PCDHGB4: variants seen among roughly 807,000 people sequenced by gnomAD.
PCDHGB4 encodes the protein protocadherin gamma subfamily B, 4, also known as protocadherin gamma-B4.
Under a neutral mutation model 60.5 loss-of-function variants are expected in PCDHGB4, and 38 were observed. That is an observed-to-expected ratio of 0.63 (90% CI 0.48 to 0.82). The LOEUF (loss-of-function observed/expected upper bound fraction) is 0.82. PCDHGB4 is among the 40% of genes least tolerant of loss of function. The pLI is 0.00. For missense variants in PCDHGB4, 1,109 were observed against 1,209.6 expected, an observed-to-expected ratio of 0.92 and a Z score of 1.23; for synonymous variants, 456 against 509.7, an observed-to-expected ratio of 0.89 and a Z score of 1.42.
Position 141,443,253 on chromosome 5 carries a change from G to A in PCDHGB4, c.2398-51554G>A, listed in dbSNP as rs192939862. 1.8e-4 allele frequency among the ~76,000 whole-genome samples: 28 copies of A among 152,214 alleles called. No individual in the cohort carries two copies. The Middle Eastern group carries it at 0.014, about 74-fold the overall frequency. On this transcript the variant is annotated intron_variant, in intron 1 of 3. Transcript: ENST00000519479. Reference sequence around the variant, plus strand: ...CTTAGCACTTTGGGGCGCCAAGGCGGGTGGATCACTTGAGCCCAGGAGTTT... The same window carrying A: ...CTTAGCACTTTGGGGCGCCAAGGCGAGTGGATCACTTGAGCCCAGGAGTTT...
intron 1 of PCDHGB4, among the ~76,000 whole-genome samples, chr5:141,458,500 T>G (rs2098947037): frequency 6.6e-6 from 1 of 151,442 alleles, no homozygotes; most frequent in Admixed American, 6.6e-5. Context: ...CTGTACATAC[T>G]GTTTGACACT....
rs1176419914 is a variant in PCDHGB4 at position 141,389,727 on chromosome 5, T to C, written c.1843T>C (p.Phe615Leu). The change falls in exon 1 of 4, where the codon TTC becomes CTC. Residue 615 changes from phenylalanine (F) to leucine (L), a missense_variant. Coordinates refer to ENST00000519479, the MANE Select transcript of PCDHGB4 (RefSeq NM_003736.4). ...GCTGCAGGCTAGCGAGCCCGGGCTC[T>C]TCAGCCTGGGGCTGCGCACGGGCGA... is the stretch of plus-strand genomic sequence containing the variant. ...HVLQASEPGL[F>L]SLGLRTGEVR... 4.3e-6 allele frequency: 7 copies of C among 1,612,724 alleles called. No homozygotes were observed. Among genetic ancestry groups the C allele is most frequent in the Non-Finnish European group, 5.9e-6 (7 of 1,179,752 alleles).
In PCDHGB4 at chr5:141,485,865, C is replaced by T. The variant is rs1214425261; in HGVS notation, c.2398-8942C>T. The stretch of plus-strand genomic sequence containing the variant: ...TCTGGCACCGCAGAGCTCCGGGTAT[C>T]CGTGCTGGACGTAAACGACAACGCC... On this transcript the variant is annotated intron_variant, in intron 1 of 3. Transcript: ENST00000519479. The surrounding 1 kb of genome is among the most constrained non-coding windows in gnomAD (Gnocchi z 5.7). 23 of 1,614,182 alleles carry T rather than the reference C, an allele frequency of 1.4e-5. No homozygotes were observed. Among genetic ancestry groups the T allele is most frequent in the Non-Finnish European group, 1.8e-5 (21 of 1,180,034 alleles).
At position 141,389,851 on chromosome 5, in the gene PCDHGB4, C is replaced by T. The variant is rs375044667; in HGVS notation, c.1967C>T (p.Ala656Val). 1 of 1,614,054 alleles carries T rather than the reference C, an allele frequency of 6.2e-7. No homozygotes were observed. Among genetic ancestry groups the T allele is most frequent in the Non-Finnish European group, 8.5e-7 (1 of 1,179,898 alleles). The change falls in exon 1 of 4, where the codon GCC becomes GTC. Residue 656 changes from alanine (A) to valine (V), a missense_variant. Physicochemically the swap from Ala to Val is moderately conservative, Grantham distance 64 (BLOSUM62 0). Transcript: ENST00000519479. ...DGGQPPLSAT[A>V]TLHLVFADSL... Reference sequence around the variant, plus strand: ...GGACAGCCACCACTCTCGGCCACTGCCACGTTGCACCTGGTCTTCGCCGAC... The same window carrying T: ...GGACAGCCACCACTCTCGGCCACTGTCACGTTGCACCTGGTCTTCGCCGAC...
intron 1 of PCDHGB4, chr5:141,398,504 T>C: frequency 6.2e-7 from 1 of 1,611,098 alleles, no homozygotes; most frequent in Admixed American, 1.7e-5. Flanking sequence ...ATCGAGGACA[T>C]TAATGACCAC....
intron 1 of PCDHGB4, among the ~76,000 whole-genome samples, chr5:141,466,506 G>A (rs1417729031): frequency 6.6e-6 from 1 of 152,156 alleles, no homozygotes; most frequent in Non-Finnish European, 1.5e-5. Context: ...GCACAGACAA[G>A]ATCATTTTTT....
Position 141,431,473 on chromosome 5 carries a change from C to G in PCDHGB4, c.2397+41192C>G, listed in dbSNP as rs750300971. ...TGATGGTTCTGGATGCGAACGACAA[C>G]GCACCAGCGTTTGCTCAGCCCGAGT... On this transcript the variant is annotated intron_variant, in intron 1 of 3. Coordinates refer to ENST00000519479, the MANE Select transcript of PCDHGB4 (RefSeq NM_003736.4). This position sits in a 1 kb window ranked among gnomAD's most constrained non-coding sequence, Gnocchi z 4.8. 5.0e-6 allele frequency: 8 copies of G among 1,613,832 alleles called. No homozygotes were observed. The highest frequency in any genetic ancestry group is 1.7e-5 in the Admixed American group (1 of 60,026).
chr5:141,485,786 C>A lies in PCDHGB4; in HGVS notation c.2398-9021C>A. On this transcript the variant is annotated intron_variant, in intron 1 of 3. Transcript: ENST00000519479. This position sits in a 1 kb window ranked among gnomAD's most constrained non-coding sequence, Gnocchi z 5.7. ...GGAGAAGCCTTTGGATCGAGAGAAG[C>A]AATCGGACTACCGCCTGGTGCTGAC... 1 of 1,614,208 alleles carries A rather than the reference C, an allele frequency of 6.2e-7. No individual in the cohort carries two copies. The highest frequency in any genetic ancestry group is 1.3e-5 in the African/African-American group (1 of 75,062).
chr5:141,403,201 C>T (rs1486888915), intron 1 of PCDHGB4: 2 of 1,614,002 alleles, frequency 1.2e-6, no homozygotes, highest in South Asian at 1.1e-5. Context: ...GCAGCGGCAC[C>T]TTGGTCACCG....
rs373591066 is a variant in PCDHGB4, at chr5:141,404,487, G to A, written c.2397+14206G>A. On this transcript the variant is annotated intron_variant, in intron 1 of 3. Transcript: ENST00000519479. The stretch of plus-strand genomic sequence containing the variant: ...TATGTCTCTATTAACTCAGACACTG[G>A]TGTGCTGTATGCTCTGTGCTCCTTT... 6.8e-6 allele frequency: 11 copies of A among 1,613,722 alleles called. No homozygotes were observed. Among genetic ancestry groups the A allele is most frequent in the Admixed American group, 1.7e-5 (1 of 60,008 alleles).
intron 1 of PCDHGB4, among the ~76,000 whole-genome samples, chr5:141,468,000 C>G (rs1429450909): frequency 6.6e-6 from 1 of 152,028 alleles, no homozygotes; most frequent in East Asian, 1.9e-4. Flanking sequence ...ATTCTTTCTT[C>G]CTCTGTTATA....
rs996153387 is a variant in PCDHGB4, at chr5:141,491,985, G to A, written c.2398-2822G>A. 24 of 743,298 alleles carry A rather than the reference G, an allele frequency of 3.2e-5. No homozygotes were observed. Among genetic ancestry groups the A allele is most frequent in the Non-Finnish European group, 4.5e-5 (22 of 494,254 alleles). 46.0% of individuals were successfully genotyped at this position (743,298 alleles called of 1,614,324 possible). On this transcript the variant is annotated intron_variant, in intron 1 of 3. Transcript: ENST00000519479. The surrounding 1 kb of genome is among the most constrained non-coding windows in gnomAD (Gnocchi z 6.9). ...AGGCCGGGGCCTCCTTCGAGCTTCC[G>A]GTGAATTTCGGGCGATTTCCGCGGG...
chr5:141,501,891 T>G (rs2099811650), intron 2 of PCDHGB4, among the ~76,000 whole-genome samples: 1 of 152,128 alleles, frequency 6.6e-6, no homozygotes, highest in Admixed American at 6.5e-5. Context: ...CTGATCATCA[T>G]GGTTCCAACC....
In PCDHGB4 at chr5:141,477,787, C is replaced by A; in HGVS notation, c.2398-17020C>A. The stretch of plus-strand genomic sequence containing the variant: ...CCAACATCAGCGTGAACATATTTGT[C>A]ACTGATCGCAATGACAATGCCCCCC... On this transcript the variant is annotated intron_variant, in intron 1 of 3. Transcript: ENST00000519479. The surrounding 1 kb of genome is among the most constrained non-coding windows in gnomAD (Gnocchi z 4.9). The A allele has an allele frequency of 6.2e-7, 1 of 1,614,092 alleles. No homozygotes were observed. The highest frequency in any genetic ancestry group is 8.5e-7 in the Non-Finnish European group (1 of 1,180,034).
intron 1 of PCDHGB4, among the ~76,000 whole-genome samples, chr5:141,488,870 G>T (rs2099680071): frequency 6.6e-6 from 1 of 152,224 alleles, no homozygotes; most frequent in African/African-American, 2.4e-5. Context: ...TGAGTGGGGA[G>T]GTAGGAAGCT....
chr5:141,486,379 G>A lies in PCDHGB4; in HGVS notation c.2398-8428G>A. 2 of 1,614,094 alleles carry A rather than the reference G, an allele frequency of 1.2e-6. No individual in the cohort carries two copies. Among genetic ancestry groups the A allele is most frequent in the Non-Finnish European group, 1.7e-6 (2 of 1,180,000 alleles). ...CATTTGCCCTCAAGTCTGCCTTCAG[G>A]AACCAGTTCTCCCTGGTGACTGCTG... On this transcript the variant is annotated intron_variant, in intron 1 of 3. Transcript: ENST00000519479. The surrounding 1 kb of genome is among the most constrained non-coding windows in gnomAD (Gnocchi z 5.0).
chr5:141,401,429 G>A lies in PCDHGB4; in HGVS notation c.2397+11148G>A, dbSNP rs1305820458. ...AGAGAAAGAGAGAGACTGATTCACT[G>A]AACTTAGAAGGTCCAAATCATCCAA... On this transcript the variant is annotated intron_variant, in intron 1 of 3. Coordinates refer to ENST00000519479, the MANE Select transcript of PCDHGB4 (RefSeq NM_003736.4). Among the ~76,000 whole-genome samples the A allele has an allele frequency of 2.6e-5, 4 of 152,182 alleles. No homozygotes were observed. In the East Asian group the frequency reaches 7.7e-4, roughly 29 times the overall value.
At chr5:141,508,193 C>T (rs1426786164) in intron 3 of PCDHGB4, 1 of 152,326 alleles carries the variant, frequency 6.6e-6, no homozygotes, top group Non-Finnish European at 1.5e-5. Flanking sequence ...ATCACCCCCA[C>T]CTCGTCCAGG....
At position 141,477,896 on chromosome 5, in the gene PCDHGB4, G is replaced by A. The variant is rs1444527086; in HGVS notation, c.2398-16911G>A. 2 of 1,614,174 alleles carry A rather than the reference G, an allele frequency of 1.2e-6. No individual in the cohort carries two copies. Among genetic ancestry groups the A allele is most frequent in the Non-Finnish European group, 1.7e-6 (2 of 1,180,038 alleles). ...AGCTGGCCACCTAGTGTCACGGGTG[G>A]TAGGCTGGGACGCGGATGCAGGGCA... On this transcript the variant is annotated intron_variant, in intron 1 of 3. Coordinates refer to ENST00000519479, the MANE Select transcript of PCDHGB4 (RefSeq NM_003736.4). The surrounding 1 kb of genome is among the most constrained non-coding windows in gnomAD (Gnocchi z 4.9).
Sources: allele counts gnomAD v4.1 joint callset (sites outside exome capture counted in the v4.1 genomes callset), GRCh38; gene constraint gnomAD v4.1.1; non-coding constraint Gnocchi (gnomAD v3.1); transcripts MANE v1.5; gene names NCBI Gene and HGNC (gene_info 2026-07-23, HGNC 2026-07-21).